The following ESRRG variants were observed in gnomAD, a reference collection of about 807,000 sequenced individuals.
ESRRG encodes the protein estrogen-related receptor gamma.
A neutral mutation model predicts 44.0 loss-of-function variants in ESRRG; 13 were observed. That is an observed-to-expected ratio of 0.30 (90% CI 0.19 to 0.47). The LOEUF (loss-of-function observed/expected upper bound fraction) is 0.47, where lower values mean the gene tolerates loss of function less well. Ranked by LOEUF, ESRRG falls within the 20% of genes least tolerant of loss-of-function variation. ESRRG has a pLI of 1.00. For synonymous variants in ESRRG, 215 were observed against 214.6 expected (o/e 1.00, Z -0.02); for missense variants, 395 against 580.6 (o/e 0.68, Z 3.29).
chr1:216,558,361 G>T (rs1485180127), intron 5 of ESRRG, among the ~76,000 whole-genome samples: 2 of 152,112 alleles, frequency 1.3e-5, no homozygotes, highest in Non-Finnish European at 2.9e-5. Context: ...GGACTAAATC[G>T]TTTAGACGCC....
chr1:216,862,581 T>G (rs541995918), intron 2 of ESRRG: 1 of 152,266 alleles, frequency 6.6e-6, no homozygotes, highest in South Asian at 2.1e-4. Flanking sequence ...AACTACTGAT[T>G]CAACAACATG....
intron 1 of ESRRG, among the ~76,000 whole-genome samples, chr1:216,989,789 A>G (rs2075408584): frequency 6.6e-6 from 1 of 152,114 alleles, no homozygotes; most frequent in Non-Finnish European, 1.5e-5. Flanking sequence ...TGGCTTAGCA[A>G]TAGGTATTTA....
chr1:216,866,412 T>TA (rs1183244667), intron 2 of ESRRG, among the ~76,000 whole-genome samples: 3 of 152,092 alleles, frequency 2.0e-5, no homozygotes, highest in Non-Finnish European at 4.4e-5. Flanking sequence ...GAAATATATA[T>TA]TTTTTAGGGG....
intron 3 of ESRRG, among the ~76,000 whole-genome samples, chr1:216,589,505 G>C (rs1417811897): frequency 2.0e-5 from 3 of 152,090 alleles, no homozygotes; most frequent in Non-Finnish European, 4.4e-5. Context: ...AAAAGACAAG[G>C]ATTAATCTTG....
At chr1:216,831,546 G>T (rs532094199) in intron 2 of ESRRG, among the ~76,000 whole-genome samples, 1 of 151,676 alleles carries the variant, frequency 6.6e-6, no homozygotes, top group African/African-American at 2.4e-5. Context: ...GAGAGAAAGA[G>T]GGAGAGGAAG....
At chr1:216,843,746 G>T (rs2095691135) in intron 2 of ESRRG, among the ~76,000 whole-genome samples, 1 of 152,074 alleles carries the variant, frequency 6.6e-6, no homozygotes, top group Non-Finnish European at 1.5e-5. Flanking sequence ...ACCTATTGAG[G>T]TACTCTGAAC....
intron 2 of ESRRG, among the ~76,000 whole-genome samples, chr1:216,763,559 A>G (rs948813089): frequency 1.3e-5 from 2 of 152,164 alleles, no homozygotes; most frequent in Admixed American, 1.3e-4. Flanking sequence ...TGGTCACAAT[A>G]TTAATATACG....
At chr1:216,575,546 T>C (rs1003832074) in intron 3 of ESRRG, among the ~76,000 whole-genome samples, 2 of 152,140 alleles carry the variant, frequency 1.3e-5, no homozygotes, top group Non-Finnish European at 2.9e-5. Context: ...AACGGCTTAA[T>C]GACTTAATGC....
chr1:217,074,562 G>C (rs1327842249), intron 1 of ESRRG, among the ~76,000 whole-genome samples: 1 of 151,864 alleles, frequency 6.6e-6, no homozygotes, highest in African/African-American at 2.4e-5. Context: ...TATAGGGTAG[G>C]TGCAGTGGCT....
intron 1 of ESRRG, among the ~76,000 whole-genome samples, chr1:217,012,548 C>T (rs2150807532): frequency 6.6e-6 from 1 of 152,308 alleles, no homozygotes; most frequent in Non-Finnish European, 1.5e-5. Context: ...GACACTGACA[C>T]TGGCAATTTA....
At chr1:216,778,129 G>A (rs1162678784) in intron 2 of ESRRG, among the ~76,000 whole-genome samples, 1 of 152,054 alleles carries the variant, frequency 6.6e-6, no homozygotes, top group Non-Finnish European at 1.5e-5. Context: ...GCTTTCTTGG[G>A]AAGCAAGTTC....
At chr1:216,907,608 A>G (rs950270246) in intron 2 of ESRRG, among the ~76,000 whole-genome samples, 16 of 152,194 alleles carry the variant, frequency 1.1e-4, no homozygotes, top group Admixed American at 3.3e-4. Context: ...TACCCCTGTA[A>G]CTACCACCAC....
At chr1:216,663,559 A>G (rs1266202910) in intron 2 of ESRRG, among the ~76,000 whole-genome samples, 1 of 152,140 alleles carries the variant, frequency 6.6e-6, no homozygotes, top group East Asian at 1.9e-4. Flanking sequence ...AGATAAAATG[A>G]GATTTAATTC....
chr1:216,524,252 A>T (rs887703387), intron 5 of ESRRG, among the ~76,000 whole-genome samples: 3 of 70,000 alleles, frequency 4.3e-5, no homozygotes, highest in African/African-American at 1.2e-4. Flanking sequence ...TATGTAAGTT[A>T]TATATATATA....
At position 216,930,436 on chromosome 1, in the gene ESRRG, C is replaced by T. The variant is rs11572500; in HGVS notation, c.-14+9146G>A. 9.2e-3 allele frequency among the ~76,000 whole-genome samples: 1,396 copies of T among 152,292 alleles called. 22 individuals are homozygous for T. The highest frequency in any genetic ancestry group is 0.031 in the African/African-American group (1,293 of 41,556). ...ACTCTCTCCTCAAGCTTCAACCCCC[C>T]ATTTTCAGACTGACTTTACATTCTA... On this transcript the variant is annotated intron_variant, in intron 2 of 7. Transcript: ENST00000359162.
At chr1:216,637,764 T>C (rs1161141990) in intron 3 of ESRRG, among the ~76,000 whole-genome samples, 2 of 152,134 alleles carry the variant, frequency 1.3e-5, no homozygotes, top group African/African-American at 2.4e-5. Context: ...AAAACCAACA[T>C]TATTCCTCAT....
chr1:216,803,945 C>A (rs1199358008), intron 2 of ESRRG, among the ~76,000 whole-genome samples: 3 of 151,880 alleles, frequency 2.0e-5, no homozygotes, highest in Non-Finnish European at 4.4e-5. Flanking sequence ...AAGTAACTGG[C>A]CAAAAGGTTC....
chr1:216,916,460 TA>T (rs906821586), intron 2 of ESRRG, among the ~76,000 whole-genome samples: 1 of 152,248 alleles, frequency 6.6e-6, no homozygotes, highest in Non-Finnish European at 1.5e-5. Flanking sequence ...TTGATAATTC[TA>T]AATAAAGTCA....
intron 2 of ESRRG, among the ~76,000 whole-genome samples, chr1:216,731,757 C>T (rs1473482266): frequency 1.3e-5 from 2 of 152,180 alleles, no homozygotes; most frequent in Non-Finnish European, 2.9e-5. Flanking sequence ...GGCATGAGGC[C>T]TGTACTCAGG....
Sources: allele counts gnomAD v4.1 joint callset (sites outside exome capture counted in the v4.1 genomes callset), GRCh38; gene constraint gnomAD v4.1.1; transcripts MANE v1.5; gene names NCBI Gene and HGNC (gene_info 2026-07-23, HGNC 2026-07-21).